Variants in ATP6V1H observed in about 807,000 individuals in gnomAD.
ATP6V1H encodes the protein ATPase H+ transporting V1 subunit H.
In ATP6V1H, 39 loss-of-function variants were observed where a neutral mutation model predicts 71.7. The ratio of observed to expected loss-of-function variants is 0.54; its 90% CI spans 0.42 to 0.71. The LOEUF is 0.71. ATP6V1H is among the 30% of genes least tolerant of loss of function. The pLI, the probability that ATP6V1H is intolerant of heterozygous loss-of-function variation, is 0.00. For synonymous variants in ATP6V1H, 192 were observed against 199.3 expected, an observed-to-expected ratio of 0.96 and a Z score of 0.31; for missense variants, 509 against 594.9, an observed-to-expected ratio of 0.86 and a Z score of 1.50.
Position 53,781,202 on chromosome 8 carries a change from G to C in ATP6V1H, c.871-9035C>G, listed in dbSNP as rs1809113944. ...TTTCTCCACATCCTCTCCAGCACCT[G>C]TTGTTTCCTGACTTTTTAATAATCG... On this transcript the variant is annotated intron_variant, in intron 9 of 13. Transcript: ENST00000359530. Among the ~76,000 whole-genome samples, 2 of 151,950 alleles carry C rather than the reference G, an allele frequency of 1.3e-5. 1 individual carries two copies. Among genetic ancestry groups the C allele is most frequent in the Non-Finnish European group, 2.9e-5 (2 of 67,968 alleles).
intron 3 of ATP6V1H, among the ~76,000 whole-genome samples, chr8:53,830,151 T>A (rs1481305917): frequency 1.3e-5 from 2 of 152,060 alleles, no homozygotes; most frequent in Non-Finnish European, 2.9e-5. Context: ...AGCATATAAA[T>A]CAAATAGGGT....
intron 4 of ATP6V1H, among the ~76,000 whole-genome samples, chr8:53,827,102 C>T (rs941501485): frequency 2.6e-5 from 4 of 151,972 alleles, no homozygotes; most frequent in African/African-American, 9.7e-5. Context: ...AAAATGCAGG[C>T]TGGGCATGGT....
Position 53,795,856 on chromosome 8 carries a change from CAAAA to C in ATP6V1H, c.678-21_678-18del. The C allele has an allele frequency of 6.4e-7, 1 of 1,566,434 alleles. No homozygotes were observed. Among genetic ancestry groups the C allele is most frequent in the Non-Finnish European group, 8.6e-7 (1 of 1,161,252 alleles). ...CCCATTATGCTGAAAAACAAACAAA[CAAAA>C]AAAACACATTTACAAAACATTTAGA... On this transcript the variant is annotated intron_variant, in intron 8 of 13. Coordinates refer to ENST00000359530, the MANE Select transcript of ATP6V1H (RefSeq NM_015941.4).
Position 53,814,640 on chromosome 8 carries a change from A to G in ATP6V1H, c.525+22T>C. The stretch of plus-strand genomic sequence containing the variant: ...CGGATGTTATATTCCTTTCAAAGGT[A>G]CTTTAAAAAATTTTCTTTTACCTGT... On this transcript the variant is annotated intron_variant, in intron 6 of 13. Coordinates refer to ENST00000359530, the MANE Select transcript of ATP6V1H (RefSeq NM_015941.4). The G allele has an allele frequency of 2.3e-6, 3 of 1,298,010 alleles. No homozygotes were observed. The South Asian group carries it at 3.7e-5, about 16-fold the overall frequency. The allele number at this position is 1,298,010 out of a possible 1,614,324, so 80.4% of individuals were successfully genotyped here.
chr8:53,788,366 A>G (rs1446038631), intron 9 of ATP6V1H, among the ~76,000 whole-genome samples: 1 of 152,238 alleles, frequency 6.6e-6, no homozygotes, highest in Non-Finnish European at 1.5e-5. Flanking sequence ...TTATAAATAT[A>G]GTTTAAATGA....
At chr8:53,775,939 G>A (rs1243187675) in intron 9 of ATP6V1H, among the ~76,000 whole-genome samples, 1 of 152,248 alleles carries the variant, frequency 6.6e-6, no homozygotes, top group African/African-American at 2.4e-5. Flanking sequence ...ACTGGGCGCC[G>A]TGGAGCAGGG....
At chr8:53,785,337 T>C (rs1480438365) in intron 9 of ATP6V1H, among the ~76,000 whole-genome samples, 1 of 152,268 alleles carries the variant, frequency 6.6e-6, no homozygotes, top group Non-Finnish European at 1.5e-5. Flanking sequence ...CATTGACTAC[T>C]GAGGCTTGTG....
chr8:53,755,304 G>C (rs1385180822), intron 12 of ATP6V1H, among the ~76,000 whole-genome samples: 1 of 152,046 alleles, frequency 6.6e-6, no homozygotes, highest in Non-Finnish European at 1.5e-5. Context: ...CATTCCAATA[G>C]CTAACTTCAC....
chr8:53,728,023 G>A (rs1195346884), intron 13 of ATP6V1H, among the ~76,000 whole-genome samples: 1 of 152,122 alleles, frequency 6.6e-6, no homozygotes, highest in Non-Finnish European at 1.5e-5. Flanking sequence ...TTATTACCTA[G>A]GGAACAACTG....
rs543278523 is a variant in ATP6V1H at position 53,775,055 on chromosome 8, G to A, written c.871-2888C>T. Among the ~76,000 whole-genome samples the A allele has an allele frequency of 2.2e-3, 338 of 152,364 alleles. 2 individuals carry two copies. Among genetic ancestry groups the A allele is most frequent in the African/African-American group, 7.9e-3 (328 of 41,588 alleles). ...GTGTTACAGTTCTTGAAGGCGGCGT[G>A]TCCGGAGTTTGTTCCCTCTGATGTT... On this transcript the variant is annotated intron_variant, in intron 9 of 13. Transcript: ENST00000359530.
At chr8:53,733,602 C>T (rs1055300347) in intron 13 of ATP6V1H, among the ~76,000 whole-genome samples, 1 of 152,154 alleles carries the variant, frequency 6.6e-6, no homozygotes, top group South Asian at 2.1e-4. Flanking sequence ...ACAGGGGGAG[C>T]GCAGCCTAGG....
intron 13 of ATP6V1H, among the ~76,000 whole-genome samples, chr8:53,734,946 T>A (rs1218474349): frequency 6.6e-6 from 1 of 152,200 alleles, no homozygotes; most frequent in Non-Finnish European, 1.5e-5. Context: ...GAGCCACAGT[T>A]GTACTGGCTG....
intron 12 of ATP6V1H, among the ~76,000 whole-genome samples, chr8:53,754,091 C>T (rs1364298258): frequency 6.6e-6 from 1 of 152,142 alleles, no homozygotes; most frequent in African/African-American, 2.4e-5. Context: ...TAGAGAAACC[C>T]CAATCTCTCA....
At chr8:53,745,386 A>C (rs544996739) in intron 12 of ATP6V1H, among the ~76,000 whole-genome samples, 1 of 152,088 alleles carries the variant, frequency 6.6e-6, no homozygotes, top group African/African-American at 2.4e-5. Context: ...CAACAGGGTA[A>C]GACCCTGTTT....
chr8:53,771,926 T>C lies in ATP6V1H; in HGVS notation c.1049+63A>G, dbSNP rs556860868. The C allele has an allele frequency of 2.0e-5, 29 of 1,455,882 alleles. No homozygotes were observed. In the African/African-American group the frequency reaches 3.8e-4, roughly 19 times the overall value. The allele number at this position is 1,455,882 out of a possible 1,614,324, so 90.2% of individuals were successfully genotyped here. ...ACAACAAATTCAGGTTTTCTTAAAA[T>C]GCTATGCAAGTCAAACAAAGCCCAA... On this transcript the variant is annotated intron_variant, in intron 10 of 13. Coordinates refer to ENST00000359530, the MANE Select transcript of ATP6V1H (RefSeq NM_015941.4).
chr8:53,763,326 C>T (rs1314265446), intron 11 of ATP6V1H, among the ~76,000 whole-genome samples: 1 of 151,744 alleles, frequency 6.6e-6, no homozygotes, highest in Non-Finnish European at 1.5e-5. Flanking sequence ...AAGAAGAAAA[C>T]AACTTCATTT....
chr8:53,765,430 A>G (rs939510482), intron 11 of ATP6V1H, among the ~76,000 whole-genome samples: 1 of 91,250 alleles, frequency 1.1e-5, no homozygotes, highest in Admixed American at 1.3e-4. Flanking sequence ...CAGGGCGGGG[A>G]GGGTGGTGGA....
rs545556297 is a variant in ATP6V1H, at chr8:53,815,011, T to A, written c.421-245A>T. ...GTCTTAGGAATTTCTTGACACTCCC[T>A]GTATTATTTTGAGTTTCAAAAGTAA... On this transcript the variant is annotated intron_variant, in intron 5 of 13. Coordinates refer to ENST00000359530, the MANE Select transcript of ATP6V1H (RefSeq NM_015941.4). 8.5e-5 allele frequency among the ~76,000 whole-genome samples: 13 copies of A among 152,340 alleles called. No homozygotes were observed. The South Asian group carries it at 2.7e-3, about 32-fold the overall frequency.
chr8:53,807,155 T>C (rs1026724217), intron 7 of ATP6V1H, among the ~76,000 whole-genome samples: 3 of 152,192 alleles, frequency 2.0e-5, no homozygotes, highest in African/African-American at 7.2e-5. Context: ...AGTAAAGAAC[T>C]AAAGCAAAGA....
Sources: allele counts gnomAD v4.1 joint callset (sites outside exome capture counted in the v4.1 genomes callset), GRCh38; gene constraint gnomAD v4.1.1; transcripts MANE v1.5; gene names NCBI Gene and HGNC (gene_info 2026-07-23, HGNC 2026-07-21).